Variants in N4BP1 observed in about 807,000 individuals in gnomAD.
The protein encoded by N4BP1 is NEDD4 binding protein 1, also known as NEDD4-binding protein 1.
A neutral mutation model predicts 70.9 loss-of-function variants in N4BP1; 21 were observed. The ratio of observed to expected loss-of-function variants is 0.30; its 90% CI spans 0.21 to 0.43. The LOEUF (loss-of-function observed/expected upper bound fraction) is 0.43. Ranked by LOEUF, N4BP1 falls within the 20% of genes least tolerant of loss-of-function variation. The pLI, the probability that N4BP1 is intolerant of heterozygous loss-of-function variation, is 1.00. For synonymous variants in N4BP1, 387 were observed against 394.6 expected (o/e 0.98, Z 0.23); for missense variants, 936 against 1,069.4 (o/e 0.88, Z 1.74).
chr16:48,561,965 A>G lies in N4BP1; in HGVS notation c.678T>C (p.Ser226=). 1.9e-6 allele frequency: 3 copies of G among 1,613,958 alleles called. No homozygotes were observed. Among genetic ancestry groups the G allele is most frequent in the Non-Finnish European group, 2.5e-6 (3 of 1,179,888 alleles). ...CTTCCTGCAAAACAGTTTCATCTCT[A>G]GAAATATTCAGCCCTGTGGCAGCAT... The part of the protein sequence containing the change: ...TQNAATGLNI[S]RDETVLQEEA... Residue 226 remains serine, a synonymous_variant, in exon 2 of 7, where the codon TCT becomes TCC. Transcript: ENST00000262384.
chr16:48,563,546 T>C (rs1963893606), intron 1 of N4BP1, among the ~76,000 whole-genome samples: 1 of 152,072 alleles, frequency 6.6e-6, no homozygotes, highest in Non-Finnish European at 1.5e-5. Context: ...CCACGACACC[T>C]GGCTAATTTT....
chr16:48,608,866 A>G (rs1964628005), intron 1 of N4BP1, among the ~76,000 whole-genome samples: 1 of 151,960 alleles, frequency 6.6e-6, no homozygotes, highest in Non-Finnish European at 1.5e-5. Flanking sequence ...CTTAAGCGTT[A>G]TGTAAATGTT....
chr16:48,549,960 C>T (rs893800324), intron 4 of N4BP1, among the ~76,000 whole-genome samples: 94 of 152,182 alleles, frequency 6.2e-4, no homozygotes, highest in African/African-American at 2.2e-3. Context: ...AAAGAATAAA[C>T]AGCTACCACT....
chr16:48,564,409 C>T (rs1963908967), intron 1 of N4BP1, among the ~76,000 whole-genome samples: 1 of 152,118 alleles, frequency 6.6e-6, no homozygotes, highest in Admixed American at 6.5e-5. Flanking sequence ...TGCTCTAGCA[C>T]CATTTCTTGA....
In N4BP1 at chr16:48,609,963, G is replaced by A; in HGVS notation, c.10C>T (p.Arg4Trp). The A allele has an allele frequency of 8.1e-7, 1 of 1,240,844 alleles. No individual in the cohort carries two copies. The highest frequency in any genetic ancestry group is 1.0e-6 in the Non-Finnish European group (1 of 989,540). 76.9% of individuals were successfully genotyped at this position (1,240,844 alleles called of 1,614,324 possible). A position where few individuals can be genotyped will look rare whatever the true frequency, so the allele number is the denominator to read the frequency against. Residue 4 changes from arginine (R) to tryptophan (W), a missense_variant, in exon 1 of 7, where the codon CGG (arginine) becomes TGG (tryptophan). Around this residue, in one of 4 missense-constraint regions of N4BP1, gnomAD observed 187 missense variants for 217.1 expected, o/e 0.86. Transcript: ENST00000262384. MAA[R>W]AVLDEFTAPA... ...GCAGTGAACTCGTCCAGCACCGCCCGGGCCGCCATGGCGGGCGCGGCCTCC... is the reference window on the plus strand; with the variant it reads ...GCAGTGAACTCGTCCAGCACCGCCCAGGCCGCCATGGCGGGCGCGGCCTCC...
intron 1 of N4BP1, among the ~76,000 whole-genome samples, chr16:48,586,338 T>C (rs1964244971): frequency 1.3e-5 from 2 of 152,332 alleles, no homozygotes; most frequent in South Asian, 2.1e-4. Context: ...TTTTACCACA[T>C]ACATACACAT....
chr16:48,561,608 C>T lies in N4BP1; in HGVS notation c.1035G>A (p.Met345Ile). ...SPDIKETTEEMEYNILVNFFK... is the reference protein window; with the variant it reads ...SPDIKETTEEIEYNILVNFFK... ...AAAAGTTTACGAGGATGTTGTATTC[C>T]ATTTCCTCAGTAGTTTCTTTTATAT... The change falls in exon 2 of 7, where the codon ATG becomes ATA. Residue 345 changes from methionine to isoleucine, a missense_variant. Physicochemically the swap from Met to Ile is conservative, Grantham distance 10 (BLOSUM62 1). This residue lies in a region of N4BP1 where 515 missense variants were observed against 491.7 expected (regional missense o/e 1.05). Coordinates refer to ENST00000262384, the MANE Select transcript of N4BP1 (RefSeq NM_153029.4). The T allele has an allele frequency of 1.2e-6, 2 of 1,613,416 alleles. No individual in the cohort carries two copies. The highest frequency in any genetic ancestry group is 1.1e-5 in the South Asian group (1 of 90,948).
At chr16:48,598,906 G>C (rs1964458615) in intron 1 of N4BP1, among the ~76,000 whole-genome samples, 1 of 151,948 alleles carries the variant, frequency 6.6e-6, no homozygotes, top group Non-Finnish European at 1.5e-5. Context: ...AGGGTTGACA[G>C]GATTATATAA....
intron 6 of N4BP1, among the ~76,000 whole-genome samples, 178 bp from the exon 7 acceptor site, chr16:48,543,439 C>T (rs868723765): frequency 2.0e-5 from 3 of 152,078 alleles, no homozygotes; most frequent in Non-Finnish European, 2.9e-5. Context: ...GAGGAGCCTG[C>T]GGGGATTTCA....
rs1285230621 is a variant in N4BP1, at chr16:48,542,174, G to C, written c.*730C>G. 1 of 152,336 alleles carries C rather than the reference G, an allele frequency of 6.6e-6. No individual in the cohort carries two copies. The highest frequency in any genetic ancestry group is 1.5e-5 in the Non-Finnish European group (1 of 68,104). The allele number at this position is 152,336 out of a possible 1,614,324, so 9.4% of individuals were successfully genotyped here. On this transcript the variant is annotated 3_prime_UTR_variant, in exon 7 of 7. Coordinates refer to ENST00000262384, the MANE Select transcript of N4BP1 (RefSeq NM_153029.4). ...TCCTCAGCTGTGGCTGTGGCTGTGG[G>C]CATGGCCGGACGGCGTGCACACTGG...
In N4BP1 at chr16:48,542,853, T is replaced by C. The variant is rs1325437341; in HGVS notation, c.*51A>G. On this transcript the variant is annotated 3_prime_UTR_variant, in exon 7 of 7. Transcript: ENST00000262384. ...ATTCCCATCAGGTACAGGTGTGAGC[T>C]TGAGTTTGATCAGCCAGCCCTGAGC... The C allele has an allele frequency of 2.0e-6, 3 of 1,482,966 alleles. No homozygotes were observed. Among genetic ancestry groups the C allele is most frequent in the Non-Finnish European group, 2.8e-6 (3 of 1,085,854 alleles). The allele number at this position is 1,482,966 out of a possible 1,614,324, so 91.9% of individuals were successfully genotyped here. A position where few individuals can be genotyped will look rare whatever the true frequency, so the allele number is the denominator to read the frequency against.
intron 1 of N4BP1, among the ~76,000 whole-genome samples, chr16:48,608,917 T>C (rs572500823): frequency 6.6e-6 from 1 of 152,110 alleles, no homozygotes; most frequent in South Asian, 2.1e-4. Context: ...CGCTATTTTT[T>C]GTTAACATAT....
At chr16:48,583,988 C>G (rs1411630901) in intron 1 of N4BP1, among the ~76,000 whole-genome samples, 1 of 152,202 alleles carries the variant, frequency 6.6e-6, no homozygotes, top group African/African-American at 2.4e-5. Context: ...TCTCTGTTGT[C>G]TCCTTTTCTT....
Position 48,609,912 on chromosome 16 carries a change from C to A in N4BP1, c.61G>T (p.Glu21Ter). ...CCCTCGATACGGCCGCGGCTCTGCT[C>A]CAGCAGCTCCGCCTTCTCAGCTGGC... is the stretch of plus-strand genomic sequence containing the variant. Reference protein sequence around the residue: ...TAPAEKAELLEQSRGRIEGLF... With the variant: ...TAPAEKAELL Residue 21 changes from glutamate to a stop codon, truncating the protein, a stop_gained, in exon 1 of 7, where the codon GAG becomes TAG. Coordinates refer to ENST00000262384, the MANE Select transcript of N4BP1 (RefSeq NM_153029.4). LOFTEE classifies it high-confidence loss of function. The A allele has an allele frequency of 6.9e-7, 1 of 1,454,340 alleles. No individual in the cohort carries two copies. The highest frequency in any genetic ancestry group is 9.1e-7 in the Non-Finnish European group (1 of 1,101,482). 90.1% of individuals were successfully genotyped at this position (1,454,340 alleles called of 1,614,324 possible). A position where few individuals can be genotyped will look rare whatever the true frequency, so the allele number is the denominator to read the frequency against.
At chr16:48,545,739 A>T (rs1036695747) in intron 6 of N4BP1, among the ~76,000 whole-genome samples, 8 of 151,756 alleles carry the variant, frequency 5.3e-5, no homozygotes, top group East Asian at 1.9e-4. Context: ...TAAAAAAAAA[A>T]TTTTGGCCAG....
At chr16:48,555,288 TG>T (rs759396094) in intron 2 of N4BP1, among the ~76,000 whole-genome samples, 13 of 151,930 alleles carry the variant, frequency 8.6e-5, no homozygotes, top group Non-Finnish European at 1.8e-4. Context: ...GCAGCCTGCC[TG>T]GGTTGCAGAG....
chr16:48,609,035 T>G (rs1439178805), intron 1 of N4BP1, among the ~76,000 whole-genome samples: 1 of 129,892 alleles, frequency 7.7e-6, no homozygotes, highest in East Asian at 2.2e-4. Flanking sequence ...GGCAACATAG[T>G]GAAATCCCCT....
chr16:48,586,014 A>C (rs1359945208), intron 1 of N4BP1, among the ~76,000 whole-genome samples: 1 of 152,138 alleles, frequency 6.6e-6, no homozygotes, highest in African/African-American at 2.4e-5. Context: ...TGATACCAGA[A>C]GTTGGATGTT....
chr16:48,568,466 A>G (rs553735721), intron 1 of N4BP1, among the ~76,000 whole-genome samples: 6 of 152,236 alleles, frequency 3.9e-5, no homozygotes, highest in Non-Finnish European at 7.3e-5. Flanking sequence ...ATTTACCCAG[A>G]TATTTACCAT....
Sources: gnomAD v4.1 joint callset for allele counts (sites outside exome capture counted in the v4.1 genomes callset) on GRCh38, gnomAD v4.1.1 for gene constraint, gnomAD v4.1.1 regional missense constraint, MANE v1.5 for transcripts, NCBI Gene and HGNC (gene_info 2026-07-23, HGNC 2026-07-21) for gene names.